PARP15: variants seen among roughly 807,000 people sequenced by gnomAD.
PARP15 encodes poly(ADP-ribose) polymerase family member 15.
Under a neutral mutation model 62.1 loss-of-function variants are expected in PARP15, and 50 were observed. The observed-to-expected ratio is 0.81, with a 90% CI of 0.64 to 1.02. The LOEUF is 1.02. PARP15 is among the 50% of genes least tolerant of loss of function. PARP15 has a pLI of 0.00. For synonymous variants in PARP15, 309 were observed against 293.1 expected (o/e 1.05, Z -0.55); for missense variants, 820 against 826.5 (o/e 0.99, Z 0.10).
chr3:122,608,842 A>C lies in PARP15; in HGVS notation c.307-1652A>C, dbSNP rs181949192. Among the ~76,000 whole-genome samples, 4 of 146,740 alleles carry C rather than the reference A, an allele frequency of 2.7e-5. No individual in the cohort carries two copies. In the Admixed American group the frequency reaches 2.8e-4, roughly 10 times the overall value. Reference sequence around the variant, plus strand: ...GAGTGCAGTGGCGCAGTCACGGTTCACTGCAGTCTCAACCTCCTAGGCTCA... The same window carrying C: ...GAGTGCAGTGGCGCAGTCACGGTTCCCTGCAGTCTCAACCTCCTAGGCTCA... On this transcript the variant is annotated intron_variant, in intron 2 of 11. Coordinates refer to ENST00000464300, the MANE Select transcript of PARP15 (RefSeq NM_001113523.3).
chr3:122,613,366 G>A, intron 4 of PARP15, 98 bp downstream of exon 4: 1 of 1,037,158 alleles, frequency 9.6e-7, no homozygotes, highest in South Asian at 1.5e-5. Flanking sequence ...TTCTAATCCT[G>A]TGCCTATAAG....
chr3:122,607,993 A>G (rs1419064506), intron 2 of PARP15, among the ~76,000 whole-genome samples: 1 of 152,048 alleles, frequency 6.6e-6, no homozygotes, highest in Admixed American at 6.6e-5. Context: ...ATATTCCAAA[A>G]ACATTATTTT....
chr3:122,612,928 G>A, intron 3 of PARP15, 113 bp from the exon 4 acceptor site: 1 of 919,734 alleles, frequency 1.1e-6, no homozygotes, highest in Non-Finnish European at 1.7e-6. Context: ...CTCAGGCCCT[G>A]ACTAAGCCAA....
rs1937437531 is a variant in PARP15 at position 122,637,557 on chromosome 3, TACAG to T, written c.*1461_*1464del. On this transcript the variant is annotated 3_prime_UTR_variant, in exon 12 of 12. Coordinates refer to ENST00000464300, the MANE Select transcript of PARP15 (RefSeq NM_001113523.3). ...TCCTGAAGCATCACTTTTGAAGAGT[TACAG>T]ACATTTAAGAAGTATTTACATTATC... 1 of 152,158 alleles carries T rather than the reference TACAG, an allele frequency of 6.6e-6. No homozygotes were observed. Among genetic ancestry groups the T allele is most frequent in the African/African-American group, 2.4e-5 (1 of 41,440 alleles). 9.4% of individuals were successfully genotyped at this position (152,158 alleles called of 1,614,324 possible).
chr3:122,585,420 C>A (rs769892576), intron 1 of PARP15, among the ~76,000 whole-genome samples: 2 of 152,190 alleles, frequency 1.3e-5, no homozygotes, highest in Non-Finnish European at 2.9e-5. Flanking sequence ...CTGATTGGAT[C>A]TTGCAAAGAG....
chr3:122,634,561 G>C (rs1937244193), intron 10 of PARP15, among the ~76,000 whole-genome samples: 2 of 152,206 alleles, frequency 1.3e-5, no homozygotes, highest in South Asian at 4.1e-4. Flanking sequence ...CAATTATGAG[G>C]TGATCTGTGA....
rs1185600803 is a variant in PARP15 at position 122,594,532 on chromosome 3, T to C, written c.187-11404T>C. 4.1e-6 allele frequency: 4 copies of C among 982,340 alleles called. No homozygotes were observed. The African/African-American group carries it at 7.0e-5, about 17-fold the overall frequency. The allele number at this position is 982,340 out of a possible 1,614,324, so 60.9% of individuals were successfully genotyped here. ...TCAAATTGGAAGTCATTGTTAAAGATTGCTGTGTATTCAGGGTAGGCAACG... is the reference window on the plus strand; with the variant it reads ...TCAAATTGGAAGTCATTGTTAAAGACTGCTGTGTATTCAGGGTAGGCAACG... On this transcript the variant is annotated intron_variant, in intron 1 of 11. Coordinates refer to ENST00000464300, the MANE Select transcript of PARP15 (RefSeq NM_001113523.3).
chr3:122,597,067 G>A (rs557514551), intron 1 of PARP15, among the ~76,000 whole-genome samples: 5 of 152,324 alleles, frequency 3.3e-5, no homozygotes, highest in South Asian at 4.1e-4. Context: ...TAGTTCTGGC[G>A]ATTGGAAAGT....
At chr3:122,594,576 A>G in intron 1 of PARP15, 1 of 975,104 alleles carries the variant, frequency 1.0e-6, no homozygotes, top group Non-Finnish European at 1.2e-6. Flanking sequence ...GTTGAAATTG[A>G]TATAGGGTAG....
chr3:122,594,620 T>G lies in PARP15; in HGVS notation c.187-11316T>G, dbSNP rs72962321. On this transcript the variant is annotated intron_variant, in intron 1 of 11. Coordinates refer to ENST00000464300, the MANE Select transcript of PARP15 (RefSeq NM_001113523.3). ...GAAATTGACGTTGTGAAATCTAACT[T>G]TACATAGAAATTAGCATCTAATTTT... is the stretch of plus-strand genomic sequence containing the variant. The G allele has an allele frequency of 5.6e-4, 522 of 933,652 alleles. 3 individuals carry two copies. In the African/African-American group the frequency reaches 8.6e-3, roughly 15 times the overall value. The allele number at this position is 933,652 out of a possible 1,614,324, so 57.8% of individuals were successfully genotyped here.
chr3:122,619,716 A>G, intron 6 of PARP15, 65 bp from the exon 7 acceptor site: 1 of 1,374,910 alleles, frequency 7.3e-7, no homozygotes, highest in Non-Finnish European at 1.0e-6. Context: ...AGTCTAATGT[A>G]CAAAAACTAT....
At chr3:122,613,427 T>G (rs1402416629) in intron 4 of PARP15, among the ~76,000 whole-genome samples, 159 bp downstream of exon 4, 3 of 152,248 alleles carry the variant, frequency 2.0e-5, no homozygotes, top group African/African-American at 7.2e-5. Context: ...GAGCCAACAC[T>G]GATAACTCAT....
chr3:122,619,788 A>C lies in PARP15; in HGVS notation c.1008A>C (p.Ser336=). ...ARTFNRKSGV[S]RAILEGAGQA... is the part of the protein sequence containing the mutation. ...TTAACATGTCTTATTTAGGTGTGTC[A>C]AGAGCTATTTTAGAAGGTGCTGGAC... Residue 336 remains serine (S), a synonymous_variant, in exon 7 of 12, where the codon TCA becomes TCC. Coordinates refer to ENST00000464300, the MANE Select transcript of PARP15 (RefSeq NM_001113523.3). 6.2e-7 allele frequency: 1 copy of C among 1,612,020 alleles called. No individual in the cohort carries two copies. Among genetic ancestry groups the C allele is most frequent in the Non-Finnish European group, 8.5e-7 (1 of 1,178,076 alleles).
In PARP15 at chr3:122,610,691, G is replaced by A. The variant is rs1315855346; in HGVS notation, c.504G>A (p.Val168=). 3 of 1,544,108 alleles carry A rather than the reference G, an allele frequency of 1.9e-6. No homozygotes were observed. Among genetic ancestry groups the A allele is most frequent in the African/African-American group, 2.7e-5 (2 of 72,792 alleles). ...ACTGCAAAGCTGTGCTCCATGCTGT[G>A]GCTCCATACTGGAATAATGGAGCAG... is the stretch of plus-strand genomic sequence containing the variant. ...NLDCKAVLHA[V]APYWNNGAET... Residue 168 remains valine (V), a synonymous_variant, in exon 3 of 12, where the codon GTG becomes GTA. Coordinates refer to ENST00000464300, the MANE Select transcript of PARP15 (RefSeq NM_001113523.3).
At position 122,636,160 on chromosome 3, in the gene PARP15, T is replaced by G; in HGVS notation, c.*60T>G. 6.6e-7 allele frequency: 1 copy of G among 1,504,280 alleles called. No individual in the cohort carries two copies. Among genetic ancestry groups the G allele is most frequent in the East Asian group, 2.3e-5 (1 of 43,810 alleles). The allele number at this position is 1,504,280 out of a possible 1,614,324, so 93.2% of individuals were successfully genotyped here. On this transcript the variant is annotated 3_prime_UTR_variant, in exon 12 of 12. Transcript: ENST00000464300. ...ATCTGTAAGAACAACATGCAATCTT[T>G]GTCTTTGCTTCTGGCCTGTGTAAGC...
intron 9 of PARP15, 39 bp downstream of exon 9, chr3:122,627,072 T>C: frequency 6.7e-7 from 1 of 1,488,154 alleles, no homozygotes; most frequent in Non-Finnish European, 9.3e-7. Context: ...CTGCTGGCTC[T>C]GATAATCACT....
At chr3:122,598,209 A>G (rs1221897938) in intron 1 of PARP15, among the ~76,000 whole-genome samples, 3 of 152,200 alleles carry the variant, frequency 2.0e-5, no homozygotes, top group African/African-American at 7.2e-5. Context: ...AAGCCATCCT[A>G]TATAAGCATA....
chr3:122,591,008 T>C (rs751589233), intron 1 of PARP15, among the ~76,000 whole-genome samples: 7 of 152,240 alleles, frequency 4.6e-5, no homozygotes, highest in Non-Finnish European at 7.3e-5. Flanking sequence ...TAAATCTGAC[T>C]TTACAAAATA....
chr3:122,608,140 C>T (rs545700529), intron 2 of PARP15, among the ~76,000 whole-genome samples: 2 of 150,860 alleles, frequency 1.3e-5, no homozygotes, highest in African/African-American at 4.8e-5. Flanking sequence ...ACTACTGAAC[C>T]TCTGCTTTAG....
Sources: allele counts gnomAD v4.1 joint callset (sites outside exome capture counted in the v4.1 genomes callset), GRCh38; gene constraint gnomAD v4.1.1; transcripts MANE v1.5; gene names NCBI Gene and HGNC (gene_info 2026-07-23, HGNC 2026-07-21).